The following LRP1B variants were observed in gnomAD, a reference collection of about 807,000 sequenced individuals.
The protein encoded by LRP1B is low-density lipoprotein receptor-related protein 1B.
In LRP1B, 217 loss-of-function variants were observed where a neutral mutation model predicts 556.6. The ratio of observed to expected loss-of-function variants is 0.39; its 90% CI spans 0.35 to 0.44. The LOEUF (loss-of-function observed/expected upper bound fraction) is 0.44. LRP1B is among the 20% of genes least tolerant of loss of function. The pLI, the probability that LRP1B is intolerant of heterozygous loss-of-function variation, is 1.00. For synonymous variants in LRP1B, 2,047 were observed against 1,865.8 expected (o/e 1.10, Z -2.50); for missense variants, 5,053 against 5,620.8 (o/e 0.90, Z 3.23).
intron 3 of LRP1B, among the ~76,000 whole-genome samples, chr2:141,435,360 T>C (rs376651710): frequency 4.4e-4 from 65 of 149,286 alleles, no homozygotes; most frequent in African/African-American, 1.5e-3. Context: ...AAGAGTTGGC[T>C]GTTATCATGG....
chr2:142,121,783 C>G (rs995244451), intron 1 of LRP1B, among the ~76,000 whole-genome samples: 1 of 152,098 alleles, frequency 6.6e-6, no homozygotes, highest in Non-Finnish European at 1.5e-5. Flanking sequence ...TTGCTTCATT[C>G]CAACCACGTA....
chr2:141,876,546 A>G (rs1698765006), intron 1 of LRP1B, among the ~76,000 whole-genome samples: 1 of 151,962 alleles, frequency 6.6e-6, no homozygotes, highest in Admixed American at 6.6e-5. Context: ...ATTCTCTATC[A>G]CTTCAGAAGT....
chr2:140,849,873 A>G (rs1220719803), intron 29 of LRP1B, among the ~76,000 whole-genome samples: 1 of 152,072 alleles, frequency 6.6e-6, no homozygotes, highest in African/African-American at 2.4e-5. Context: ...TCTGTCCTGA[A>G]GTTTTTCTTC....
intron 1 of LRP1B, among the ~76,000 whole-genome samples, chr2:142,084,936 A>T (rs1317730089): frequency 6.6e-6 from 1 of 152,196 alleles, no homozygotes; most frequent in Non-Finnish European, 1.5e-5. Context: ...TTCCGCCTAG[A>T]GTGCATATCT....
chr2:140,875,818 A>G (rs1433826572), intron 25 of LRP1B, among the ~76,000 whole-genome samples: 1 of 152,164 alleles, frequency 6.6e-6, no homozygotes, highest in Non-Finnish European at 1.5e-5. Context: ...TATGTGTTCA[A>G]AAATTATGGG....
At chr2:141,686,457 C>T (rs1487578550) in intron 2 of LRP1B, among the ~76,000 whole-genome samples, 1 of 151,852 alleles carries the variant, frequency 6.6e-6, no homozygotes, top group Non-Finnish European at 1.5e-5. Context: ...TAATGGTTTA[C>T]AGTACATATA....
chr2:141,910,541 C>A (rs1241197189), intron 1 of LRP1B, among the ~76,000 whole-genome samples: 3 of 151,922 alleles, frequency 2.0e-5, no homozygotes, highest in Non-Finnish European at 4.4e-5. Flanking sequence ...AGATATGGAT[C>A]CTACTGGCTA....
chr2:140,289,706 G>A (rs986489146), intron 84 of LRP1B, among the ~76,000 whole-genome samples: 1 of 151,208 alleles, frequency 6.6e-6, no homozygotes, highest in Non-Finnish European at 1.5e-5. Context: ...TTACAACCCT[G>A]ACAATTTTTT....
At chr2:141,585,324 T>C (rs1235927011) in intron 2 of LRP1B, among the ~76,000 whole-genome samples, 1 of 152,112 alleles carries the variant, frequency 6.6e-6, no homozygotes, top group Non-Finnish European at 1.5e-5. Context: ...AAGCCTGTCA[T>C]GAAGGATCCT....
At chr2:141,421,496 T>A (rs1218591656) in intron 3 of LRP1B, among the ~76,000 whole-genome samples, 3 of 140,848 alleles carry the variant, frequency 2.1e-5, no homozygotes, top group Non-Finnish European at 4.5e-5. Flanking sequence ...GCCACTGCAC[T>A]CCAGCCTGGG....
chr2:140,946,613 C>T lies in LRP1B; in HGVS notation c.3136+3622G>A, dbSNP rs145403899. Among the ~76,000 whole-genome samples, 482 of 151,962 alleles carry T rather than the reference C, an allele frequency of 3.2e-3. 1 individual carries two copies. The highest frequency in any genetic ancestry group is 0.011 in the African/African-American group (458 of 41,410). The stretch of plus-strand genomic sequence containing the variant: ...GATACTCAGTCTCAAACAAGAACAA[C>T]AACAACAACAACAAAAACAACAACA... On this transcript the variant is annotated intron_variant, in intron 20 of 90. Transcript: ENST00000389484.
chr2:142,044,689 C>T (rs544351664), intron 1 of LRP1B, among the ~76,000 whole-genome samples: 28 of 151,760 alleles, frequency 1.8e-4, no homozygotes, highest in Non-Finnish European at 3.8e-4. Flanking sequence ...ATTCTTTTCT[C>T]TTTATGACTA....
chr2:141,793,370 T>G (rs984340863), intron 2 of LRP1B, among the ~76,000 whole-genome samples: 2 of 151,934 alleles, frequency 1.3e-5, no homozygotes, highest in Non-Finnish European at 1.5e-5. Context: ...CTACTACTAC[T>G]TAAACACATT....
intron 2 of LRP1B, among the ~76,000 whole-genome samples, chr2:141,778,377 G>A (rs1208748520): frequency 6.6e-6 from 1 of 152,138 alleles, no homozygotes; most frequent in African/African-American, 2.4e-5. Flanking sequence ...CAGCAGATAT[G>A]CTTTTGAAAT....
At chr2:141,542,672 G>T (rs974409761) in intron 2 of LRP1B, among the ~76,000 whole-genome samples, 12 of 152,066 alleles carry the variant, frequency 7.9e-5, no homozygotes, top group Admixed American at 5.2e-4. Context: ...TCATGTAAAG[G>T]TCTGGTATTA....
chr2:141,367,923 A>C (rs1449641937), intron 3 of LRP1B, among the ~76,000 whole-genome samples: 1 of 152,206 alleles, frequency 6.6e-6, no homozygotes, highest in Non-Finnish European at 1.5e-5. Flanking sequence ...AAACAAACAA[A>C]ATTTTAATAA....
chr2:141,335,476 T>C (rs1038911794), intron 3 of LRP1B, among the ~76,000 whole-genome samples: 2 of 152,204 alleles, frequency 1.3e-5, no homozygotes, highest in Admixed American at 6.5e-5. Context: ...CTAAGGACCT[T>C]GTCTGCCATC....
At chr2:141,114,255 GCCT>G (rs1459464039) in intron 7 of LRP1B, among the ~76,000 whole-genome samples, 1 of 152,218 alleles carries the variant, frequency 6.6e-6, no homozygotes, top group Non-Finnish European at 1.5e-5. Flanking sequence ...TTTAACAGTT[GCCT>G]CCGTGGACAG....
At chr2:140,243,624 G>A (rs749438501) in intron 87 of LRP1B, among the ~76,000 whole-genome samples, 1 of 151,052 alleles carries the variant, frequency 6.6e-6, no homozygotes, top group Non-Finnish European at 1.5e-5. Context: ...GTTAAAAATT[G>A]TAAAGAAAAT....
Sources: allele counts gnomAD v4.1 joint callset (sites outside exome capture counted in the v4.1 genomes callset), GRCh38; gene constraint gnomAD v4.1.1; transcripts MANE v1.5; gene names NCBI Gene and HGNC (gene_info 2026-07-23, HGNC 2026-07-21).